GRM7: variants seen among roughly 807,000 people sequenced by gnomAD.
GRM7 encodes the protein metabotropic glutamate receptor 7.
A neutral mutation model predicts 84.5 loss-of-function variants in GRM7; 35 were observed. That is an observed-to-expected ratio of 0.41 (90% CI 0.32 to 0.55). GRM7 has a LOEUF of 0.55. Ranked by LOEUF, GRM7 falls within the 20% of genes least tolerant of loss-of-function variation. The pLI, the probability that GRM7 is intolerant of heterozygous loss-of-function variation, is 0.19. For missense variants in GRM7, 1,003 were observed against 1,194.6 expected (o/e 0.84, Z 2.36); for synonymous variants, 487 against 455.1 (o/e 1.07, Z -0.89).
At chr3:7,561,611 A>T (rs1331184234) in intron 7 of GRM7, 2 of 456,200 alleles carry the variant, frequency 4.4e-6, no homozygotes, top group Admixed American at 4.7e-5. Context: ...GCTACTTTTC[A>T]TATCCCTTTA....
chr3:7,680,034 T>C lies in GRM7; in HGVS notation c.2452-15T>C. 6.2e-7 allele frequency: 1 copy of C among 1,613,398 alleles called. No individual in the cohort carries two copies. The highest frequency in any genetic ancestry group is 1.3e-5 in the African/African-American group (1 of 75,040). ...ATTTTATTTGTAATAGTGCCTTGTGTGTTGTGTCTCCTAGCTCTACATACA... is the reference window on the plus strand; with the variant it reads ...ATTTTATTTGTAATAGTGCCTTGTGCGTTGTGTCTCCTAGCTCTACATACA... On this transcript the variant is annotated splice_polypyrimidine_tract_variant and intron_variant, in intron 8 of 9. Transcript: ENST00000357716.
At chr3:6,963,694 A>C (rs1693391040) in intron 1 of GRM7, among the ~76,000 whole-genome samples, 1 of 152,330 alleles carries the variant, frequency 6.6e-6, no homozygotes, top group Non-Finnish European at 1.5e-5. Context: ...ATCATGGTAC[A>C]GTTTACAATG....
chr3:6,963,695 G>A (rs1286010741), intron 1 of GRM7, among the ~76,000 whole-genome samples: 1 of 152,154 alleles, frequency 6.6e-6, no homozygotes, highest in African/African-American at 2.4e-5. Context: ...TCATGGTACA[G>A]TTTACAATGA....
At chr3:7,046,044 C>T (rs73027789) in intron 1 of GRM7, among the ~76,000 whole-genome samples, 43 of 152,098 alleles carry the variant, frequency 2.8e-4, no homozygotes, top group Non-Finnish European at 5.4e-4. Flanking sequence ...CAGCACTTAC[C>T]TTTTGTTGCT....
At chr3:7,002,977 G>A (rs1230612014) in intron 1 of GRM7, among the ~76,000 whole-genome samples, 1 of 152,176 alleles carries the variant, frequency 6.6e-6, no homozygotes, top group African/African-American at 2.4e-5. Flanking sequence ...TAAGTGAAAT[G>A]AGCCAGACCC....
intron 1 of GRM7, among the ~76,000 whole-genome samples, chr3:6,977,174 G>A (rs1279460346): frequency 3.3e-5 from 5 of 152,158 alleles, no homozygotes; most frequent in African/African-American, 1.2e-4. Flanking sequence ...CAGGAGGACT[G>A]GGGGTTAGTT....
intron 8 of GRM7, chr3:7,607,418 TA>T (rs1183914542): frequency 6.6e-6 from 1 of 152,042 alleles, no homozygotes; most frequent in African/African-American, 2.4e-5. Context: ...ATGTGAAAAG[TA>T]AAAAGTAGTT....
chr3:7,677,261 TTAAAAAAAAAAAAA>T (rs1445687080), intron 8 of GRM7, among the ~76,000 whole-genome samples: 2 of 103,402 alleles, frequency 1.9e-5, no homozygotes, highest in Non-Finnish European at 3.5e-5. Context: ...GACTCTGTCT[TTAAAAAAAAAAAAA>T]AAAAAAAAAA....
intron 1 of GRM7, among the ~76,000 whole-genome samples, chr3:7,068,988 GAGGTAGATA>G (rs1423400078): frequency 1.3e-5 from 2 of 151,516 alleles, no homozygotes; most frequent in Admixed American, 1.3e-4. Context: ...CTTTCCCTAT[GAGGTAGATA>G]AGTGGGTAAT....
At chr3:7,034,753 A>C (rs1223993555) in intron 1 of GRM7, among the ~76,000 whole-genome samples, 2 of 152,200 alleles carry the variant, frequency 1.3e-5, no homozygotes, top group Non-Finnish European at 2.9e-5. Context: ...AAAGCAGTTA[A>C]AGGGTGACTG....
chr3:7,467,995 C>T (rs987251259), intron 7 of GRM7, among the ~76,000 whole-genome samples: 1 of 152,240 alleles, frequency 6.6e-6, no homozygotes, highest in African/African-American at 2.4e-5. Context: ...TTTTGGCTGT[C>T]ACAGACACCT....
At chr3:7,008,946 T>G (rs1037846820) in intron 1 of GRM7, among the ~76,000 whole-genome samples, 1 of 152,096 alleles carries the variant, frequency 6.6e-6, no homozygotes, top group Non-Finnish European at 1.5e-5. Flanking sequence ...ATAATGACTA[T>G]CTCATAAAAT....
intron 2 of GRM7, among the ~76,000 whole-genome samples, chr3:7,291,361 C>G (rs916772294): frequency 1.3e-5 from 2 of 152,096 alleles, no homozygotes; most frequent in African/African-American, 4.8e-5. Flanking sequence ...GACTCTGGTT[C>G]TCTCTCTTTT....
At chr3:7,306,740 AT>A in intron 4 of GRM7, 88 bp downstream of exon 4, 1 of 1,153,782 alleles carries the variant, frequency 8.7e-7, no homozygotes, top group Non-Finnish European at 1.2e-6. Flanking sequence ...GGGGTTTGGC[AT>A]TTTTACCAAA....
chr3:6,942,590 T>C (rs1226519840), intron 1 of GRM7, among the ~76,000 whole-genome samples: 3 of 152,128 alleles, frequency 2.0e-5, no homozygotes, highest in African/African-American at 7.2e-5. Context: ...TAAATTCTAT[T>C]CCATTGTATA....
intron 1 of GRM7, among the ~76,000 whole-genome samples, chr3:7,025,811 C>T (rs1695961019): frequency 6.6e-6 from 1 of 152,168 alleles, no homozygotes; most frequent in Non-Finnish European, 1.5e-5. Context: ...GAGAGAATGG[C>T]ACTGGCAGCA....
At chr3:7,413,885 G>C (rs1411944354) in intron 4 of GRM7, among the ~76,000 whole-genome samples, 1 of 152,112 alleles carries the variant, frequency 6.6e-6, no homozygotes, top group Non-Finnish European at 1.5e-5. Flanking sequence ...CAATGAGCTG[G>C]ACTCTGTATT....
In GRM7 at chr3:7,071,402, A is replaced by G. The variant is rs75159883; in HGVS notation, c.520-75050A>G. Among the ~76,000 whole-genome samples the G allele has an allele frequency of 5.0e-3, 759 of 152,274 alleles. 2 individuals carry two copies. Among genetic ancestry groups the G allele is most frequent in the Non-Finnish European group, 7.1e-3 (483 of 68,018 alleles). Reference sequence around the variant, plus strand: ...TTCCAGGCTCCATCCCTGCTTTTAAAGAGGAAAAATATTCCATTCTAGCCA... The same window carrying G: ...TTCCAGGCTCCATCCCTGCTTTTAAGGAGGAAAAATATTCCATTCTAGCCA... On this transcript the variant is annotated intron_variant, in intron 1 of 9. Coordinates refer to ENST00000357716, the MANE Select transcript of GRM7 (RefSeq NM_000844.4).
At chr3:7,050,842 T>C (rs1696969775) in intron 1 of GRM7, among the ~76,000 whole-genome samples, 1 of 151,832 alleles carries the variant, frequency 6.6e-6, no homozygotes, top group Non-Finnish European at 1.5e-5. Flanking sequence ...AAATTATTCC[T>C]CCTTTCCCCA....
Sources: allele counts gnomAD v4.1 joint callset (sites outside exome capture counted in the v4.1 genomes callset), GRCh38; gene constraint gnomAD v4.1.1; transcripts MANE v1.5; gene names NCBI Gene and HGNC (gene_info 2026-07-23, HGNC 2026-07-21).